PDE4B: variants seen among roughly 807,000 people sequenced by gnomAD.
The protein encoded by PDE4B is phosphodiesterase 4B, also known as 3',5'-cyclic-AMP phosphodiesterase 4B.
In PDE4B, 20 loss-of-function variants were observed where a neutral mutation model predicts 82.2. The observed-to-expected ratio is 0.24, with a 90% CI of 0.17 to 0.35. PDE4B has a LOEUF of 0.35. PDE4B is among the 10% of genes least tolerant of loss of function. PDE4B has a pLI of 1.00. For synonymous variants in PDE4B, 320 were observed against 318.9 expected (o/e 1.00, Z -0.04); for missense variants, 655 against 907.2 (o/e 0.72, Z 3.57).
intron 3 of PDE4B, among the ~76,000 whole-genome samples, chr1:65,974,260 A>G (rs1469621151): frequency 2.0e-5 from 3 of 152,188 alleles, no homozygotes; most frequent in Non-Finnish European, 4.4e-5. Context: ...CATTATCAAT[A>G]ATTATGATGT....
chr1:65,897,353 C>T (rs750774188), intron 1 of PDE4B, among the ~76,000 whole-genome samples: 12 of 151,994 alleles, frequency 7.9e-5, no homozygotes, highest in Non-Finnish European at 1.2e-4. Flanking sequence ...TATTAATGCT[C>T]CTGTCTTCCT....
intron 1 of PDE4B, among the ~76,000 whole-genome samples, chr1:65,860,545 C>T (rs1455822180): frequency 6.6e-6 from 1 of 152,150 alleles, no homozygotes; most frequent in East Asian, 1.9e-4. Flanking sequence ...GATATATAAT[C>T]CTTTGGGTAT....
chr1:65,842,898 C>T (rs939514602), intron 1 of PDE4B, among the ~76,000 whole-genome samples: 4 of 152,122 alleles, frequency 2.6e-5, no homozygotes, highest in Middle Eastern at 3.4e-3. Flanking sequence ...GAATGGGTGG[C>T]GTCTAGGAGG....
intron 3 of PDE4B, among the ~76,000 whole-genome samples, chr1:66,056,758 A>T (rs1655327036): frequency 6.6e-6 from 1 of 152,128 alleles, no homozygotes; most frequent in South Asian, 2.1e-4. Context: ...TGATGGAGGA[A>T]TGTGATCATG....
At chr1:66,300,371 A>G (rs1657799849) in intron 7 of PDE4B, among the ~76,000 whole-genome samples, 2 of 152,070 alleles carry the variant, frequency 1.3e-5, no homozygotes, top group South Asian at 2.1e-4. Context: ...CCACCAAGGG[A>G]CCTGAAAACC....
chr1:66,091,874 A>G lies in PDE4B; in HGVS notation c.282-155586A>G, dbSNP rs554068998. On this transcript the variant is annotated intron_variant, in intron 3 of 16. Coordinates refer to ENST00000341517, the MANE Select transcript of PDE4B (RefSeq NM_002600.4). ...ATGTACTTAATTGTTTTTTCCTTCT[A>G]TATTCACAAAGACAAATTATACTGG... Among the ~76,000 whole-genome samples the G allele has an allele frequency of 1.1e-4, 17 of 152,212 alleles. No homozygotes were observed. The East Asian group carries it at 2.9e-3, about 26-fold the overall frequency.
intron 3 of PDE4B, among the ~76,000 whole-genome samples, chr1:66,243,205 C>T (rs1000367657): frequency 5.9e-5 from 9 of 152,148 alleles, no homozygotes; most frequent in Non-Finnish European, 1.2e-4. Context: ...AATGACACAT[C>T]TCTGTAGATT....
chr1:65,984,575 C>G (rs967203143), intron 3 of PDE4B, among the ~76,000 whole-genome samples: 1 of 151,958 alleles, frequency 6.6e-6, no homozygotes, highest in African/African-American at 2.4e-5. Context: ...GCCAACATGG[C>G]GAAATCCCAT....
At chr1:66,318,820 T>C (rs564370215) in intron 7 of PDE4B, among the ~76,000 whole-genome samples, 1 of 152,348 alleles carries the variant, frequency 6.6e-6, no homozygotes, top group East Asian at 1.9e-4. Context: ...ATTCAGCATG[T>C]ATGTTACACT....
intron 3 of PDE4B, among the ~76,000 whole-genome samples, chr1:65,949,567 G>A (rs1335012888): frequency 1.3e-5 from 2 of 152,184 alleles, no homozygotes; most frequent in African/African-American, 4.8e-5. Context: ...ACCACTTCCA[G>A]TTCCTGATGG....
chr1:66,362,997 G>A (rs1194501159), intron 10 of PDE4B, among the ~76,000 whole-genome samples, 171 bp from the exon 11 acceptor site: 2 of 152,070 alleles, frequency 1.3e-5, no homozygotes, highest in African/African-American at 2.4e-5. Flanking sequence ...ATCATGAAGA[G>A]GACACCCGAC....
chr1:66,365,035 G>A (rs1663131342), intron 12 of PDE4B, among the ~76,000 whole-genome samples: 1 of 152,112 alleles, frequency 6.6e-6, no homozygotes, highest in Non-Finnish European at 1.5e-5. Flanking sequence ...GCATGGGTGG[G>A]GGCAGAGAAG....
At chr1:66,236,016 A>C (rs149124220) in intron 3 of PDE4B, among the ~76,000 whole-genome samples, 1 of 152,354 alleles carries the variant, frequency 6.6e-6, no homozygotes, top group East Asian at 1.9e-4. Context: ...CATAAGTATA[A>C]GCCTAAGTTA....
chr1:66,221,787 C>T (rs1416313), intron 3 of PDE4B, among the ~76,000 whole-genome samples: 74,059 of 151,954 alleles, frequency 0.49, 19,163 homozygotes, highest in South Asian at 0.63. Flanking sequence ...TCTGTCATCA[C>T]TCCTTGTATC....
intron 3 of PDE4B, among the ~76,000 whole-genome samples, chr1:65,983,569 G>T (rs965754340): frequency 6.6e-6 from 1 of 152,120 alleles, no homozygotes; most frequent in Non-Finnish European, 1.5e-5. Flanking sequence ...TATTAAAAAC[G>T]GTAATTGCAA....
At chr1:65,907,062 A>G (rs901421156) in intron 1 of PDE4B, among the ~76,000 whole-genome samples, 1 of 152,288 alleles carries the variant, frequency 6.6e-6, no homozygotes, top group African/African-American at 2.4e-5. Flanking sequence ...GCAACTTTAC[A>G]AATAAAATGA....
rs565262425 is a variant in PDE4B, at chr1:66,266,139, A to G, written c.634+52A>G. On this transcript the variant is annotated intron_variant, in intron 7 of 16. Coordinates refer to ENST00000341517, the MANE Select transcript of PDE4B (RefSeq NM_002600.4). ...GATGTTTCAAGATAGAATAATAAAC[A>G]TGCCTCTTATTCAGAACTGTTTTTT... 2.8e-5 allele frequency: 37 copies of G among 1,303,548 alleles called. No homozygotes were observed. In the African/African-American group the frequency reaches 3.9e-4, roughly 14 times the overall value. 80.7% of individuals were successfully genotyped at this position (1,303,548 alleles called of 1,614,324 possible). A position where few individuals can be genotyped will look rare whatever the true frequency, so the allele number is the denominator to read the frequency against.
intron 3 of PDE4B, among the ~76,000 whole-genome samples, chr1:66,032,516 T>C (rs1016156792): frequency 6.6e-6 from 1 of 152,236 alleles, no homozygotes; most frequent in African/African-American, 2.4e-5. Flanking sequence ...TAATCTTCTT[T>C]GACAGTATGT....
intron 3 of PDE4B, among the ~76,000 whole-genome samples, chr1:65,984,999 T>A (rs544347204): frequency 6.6e-6 from 1 of 152,300 alleles, no homozygotes; most frequent in Non-Finnish European, 1.5e-5. Flanking sequence ...ATTTTCTTCG[T>A]TATGAACTAA....
Sources: allele counts gnomAD v4.1 joint callset (sites outside exome capture counted in the v4.1 genomes callset), GRCh38; gene constraint gnomAD v4.1.1; transcripts MANE v1.5; gene names NCBI Gene and HGNC (gene_info 2026-07-23, HGNC 2026-07-21).